MSH4: variants seen among roughly 807,000 people sequenced by gnomAD.
MSH4 encodes the protein mutS protein homolog 4.
MSH4 carries 106 observed loss-of-function variants against 113.7 expected under a neutral mutation model. That is an observed-to-expected ratio of 0.93 (90% CI 0.80 to 1.10). The LOEUF is 1.10. Ranked by LOEUF, MSH4 falls within the 50% of genes least tolerant of loss-of-function variation. The pLI is 0.00. For missense variants in MSH4, 1,061 were observed against 1,093.7 expected, an observed-to-expected ratio of 0.97 and a Z score of 0.42; for synonymous variants, 368 against 380.2, an observed-to-expected ratio of 0.97 and a Z score of 0.37.
In MSH4 at chr1:75,803,772, G is replaced by C. The variant is rs1448502260; in HGVS notation, c.286G>C (p.Val96Leu). ...CAAAAGAGCTTATGCAGAAAACACAGTTGCATCAAATTTTACTTTTGGTGC... is the reference window on the plus strand; with the variant it reads ...CAAAAGAGCTTATGCAGAAAACACACTTGCATCAAATTTTACTTTTGGTGC... ...GNKRAYAENT[V>L]ASNFTFGASS... Residue 96 changes from valine (V) to leucine (L), a missense_variant, in exon 2 of 20, where the codon GTT becomes CTT. By Grantham distance (32) the Val-to-Leu change is conservative (BLOSUM62 1). Coordinates refer to ENST00000263187, the MANE Select transcript of MSH4 (RefSeq NM_002440.4). The C allele has an allele frequency of 1.3e-6, 2 of 1,599,246 alleles. No individual in the cohort carries two copies. Among genetic ancestry groups the C allele is most frequent in the Non-Finnish European group, 1.7e-6 (2 of 1,175,284 alleles).
chr1:75,911,724 A>AG (rs1308871005), intron 19 of MSH4, among the ~76,000 whole-genome samples: 9 of 152,120 alleles, frequency 5.9e-5, no homozygotes, highest in African/African-American at 1.9e-4. Context: ...CTAATTGGTA[A>AG]TTGATCTGTG....
At position 75,878,293 on chromosome 1, in the gene MSH4, C is replaced by T. The variant is rs750710754; in HGVS notation, c.1515C>T (p.Tyr505=). 7 of 1,599,346 alleles carry T rather than the reference C, an allele frequency of 4.4e-6. 1 individual carries two copies. In the South Asian group the frequency reaches 8.0e-5, roughly 18 times the overall value. ...TTCTTGACATAGCAAGAAGAACATA[C>T]ACAGAGATTGTAGATGACATAGCAG... ...NEFLDIARRT[Y]TEIVDDIAGM... is the part of the protein sequence containing the mutation. The change falls in exon 11 of 20, where the codon TAC becomes TAT. Residue 505 remains tyrosine, a synonymous_variant. Coordinates refer to ENST00000263187, the MANE Select transcript of MSH4 (RefSeq NM_002440.4).
intron 7 of MSH4, among the ~76,000 whole-genome samples, chr1:75,841,294 T>C (rs1650955195): frequency 6.6e-6 from 1 of 151,742 alleles, no homozygotes; most frequent in Non-Finnish European, 1.5e-5. Flanking sequence ...AACCTCTGGG[T>C]TCAAGTGATC....
At chr1:75,898,125 A>G in intron 18 of MSH4, 44 bp downstream of exon 18, 1 of 1,297,636 alleles carries the variant, frequency 7.7e-7, no homozygotes, top group Non-Finnish European at 1.0e-6. Context: ...AATACTATAT[A>G]TTCTCCTAAG....
Position 75,906,527 on chromosome 1 carries a change from TATATATAATATATATAATATATA to T in MSH4, c.2620-6162_2620-6140del. ...TATATAATATATAATATGTATATAT[TATATATAATATATATAATATATA>T]ATATATTATATATTATATAAATTTA... On this transcript the variant is annotated intron_variant, in intron 19 of 19. Transcript: ENST00000263187. 1.1e-4 allele frequency among the ~76,000 whole-genome samples: 4 copies of T among 36,802 alleles called. 2 individuals are homozygous for T. Among genetic ancestry groups the T allele is most frequent in the South Asian group, 1.2e-3 (2 of 1,644 alleles). The allele number at this position is 36,802 out of a possible 152,430, so 24.1% of individuals were successfully genotyped here.
At chr1:75,886,576 A>G (rs1652120943) in intron 15 of MSH4, among the ~76,000 whole-genome samples, 1 of 121,780 alleles carries the variant, frequency 8.2e-6, no homozygotes, top group African/African-American at 3.2e-5. Flanking sequence ...GCAAGTTATT[A>G]TGTATAATAT....
At chr1:75,903,370 CTGTTCAATTTTTTGATG>C (rs1340219974) in intron 19 of MSH4, among the ~76,000 whole-genome samples, 1 of 151,910 alleles carries the variant, frequency 6.6e-6, no homozygotes. Context: ...GTTCTCTGTT[CTGTTCAATTTTTTGATG>C]TGTCTGTATT....
chr1:75,800,171 C>T (rs1342898589), intron 1 of MSH4, among the ~76,000 whole-genome samples: 2 of 152,166 alleles, frequency 1.3e-5, no homozygotes, highest in African/African-American at 4.8e-5. Flanking sequence ...CAGTTTCTGG[C>T]AACCACTCTC....
intron 5 of MSH4, among the ~76,000 whole-genome samples, chr1:75,815,955 C>G (rs1346501862): frequency 6.6e-6 from 1 of 151,990 alleles, no homozygotes; most frequent in Non-Finnish European, 1.5e-5. Flanking sequence ...TTGCAGTGAG[C>G]CGAGATCACA....
At chr1:75,811,562 A>T (rs1390845032) in intron 4 of MSH4, among the ~76,000 whole-genome samples, 1 of 152,108 alleles carries the variant, frequency 6.6e-6, no homozygotes, top group Non-Finnish European at 1.5e-5. Context: ...TGTATTACAG[A>T]ATTGTTTCAG....
At position 75,846,302 on chromosome 1, in the gene MSH4, A is replaced by G. The variant is rs5745398; in HGVS notation, c.1163-1907A>G. ...ACCCTTAGTATTCTCCCCCAAACAT[A>G]CATTTTATGTGGCCAGGCTAAGAGT... is the stretch of plus-strand genomic sequence containing the variant. On this transcript the variant is annotated intron_variant, in intron 7 of 19. Transcript: ENST00000263187. Among the ~76,000 whole-genome samples the G allele has an allele frequency of 1.6e-4, 25 of 152,346 alleles. No individual in the cohort carries two copies. In the South Asian group the frequency reaches 4.8e-3, roughly 29 times the overall value.
At chr1:75,871,703 A>G (rs1046663979) in intron 9 of MSH4, among the ~76,000 whole-genome samples, 2 of 152,176 alleles carry the variant, frequency 1.3e-5, no homozygotes, top group East Asian at 1.9e-4. Context: ...TGCAACATCT[A>G]TTTTTTGATC....
At position 75,797,158 on chromosome 1, in the gene MSH4, G is replaced by GAGCTGCGGGCGACCGGAGCAGCAGC; in HGVS notation, c.177_201dup (p.Ser68CysfsTer54). 6.2e-7 allele frequency: 1 copy of GAGCTGCGGGCGACCGGAGCAGCAGC among 1,612,700 alleles called. No homozygotes were observed. Among genetic ancestry groups the GAGCTGCGGGCGACCGGAGCAGCAGC allele is most frequent in the Non-Finnish European group, 8.5e-7 (1 of 1,179,418 alleles). On this transcript the variant is annotated frameshift_variant, in exon 1 of 20. Transcript: ENST00000263187. LOFTEE classifies it high-confidence loss of function. ...GCATCCACCTGTCCTGGCACGTCAG[G>GAGCTGCGGGCGACCGGAGCAGCAGC]AGCTGCGGGCGACCGGAGCAGCAGC...
chr1:75,827,621 CA>C (rs1474589076), intron 7 of MSH4, among the ~76,000 whole-genome samples: 2 of 113,594 alleles, frequency 1.8e-5, no homozygotes, highest in African/African-American at 6.6e-5. Context: ...CACATAGGCT[CA>C]AAATAAAGGG....
intron 6 of MSH4, among the ~76,000 whole-genome samples, chr1:75,819,062 G>A (rs975141138): frequency 3.3e-5 from 5 of 151,908 alleles, no homozygotes; most frequent in East Asian, 1.9e-4. Context: ...CACCGTGCCC[G>A]GCCTGTTTTT....
At chr1:75,807,603 T>C (rs1415060377) in intron 3 of MSH4, among the ~76,000 whole-genome samples, 1 of 152,186 alleles carries the variant, frequency 6.6e-6, no homozygotes, top group East Asian at 1.9e-4. Flanking sequence ...AGTTGCATCA[T>C]GTTAGATGCA....
rs1272776571 is a variant in MSH4 at position 75,898,097 on chromosome 1, A to G, written c.2530+16A>G. The G allele has an allele frequency of 2.7e-6, 4 of 1,484,394 alleles. No homozygotes were observed. Among genetic ancestry groups the G allele is most frequent in the Middle Eastern group, 2.1e-4 (1 of 4,822 alleles). 92.0% of individuals were successfully genotyped at this position (1,484,394 alleles called of 1,614,324 possible). ...AAAAATTATGGTACTGCATATAGAA[A>G]TTATACCTATACATTCAAATACTAT... is the stretch of plus-strand genomic sequence containing the variant. On this transcript the variant is annotated intron_variant, in intron 18 of 19. Coordinates refer to ENST00000263187, the MANE Select transcript of MSH4 (RefSeq NM_002440.4).
intron 15 of MSH4, among the ~76,000 whole-genome samples, chr1:75,888,082 A>G (rs1244914444): frequency 1.3e-5 from 2 of 150,370 alleles, no homozygotes; most frequent in East Asian, 1.9e-4. Context: ...TATTATAATT[A>G]CTACTGTTAT....
chr1:75,807,118 G>T lies in MSH4; in HGVS notation c.565G>T (p.Ala189Ser). The change falls in exon 3 of 20, where the codon GCA becomes TCA. Residue 189 changes from alanine (A) to serine (S), a missense_variant. Transcript: ENST00000263187. ...CCCCCAAATTATACTATCCCAGTTT[G>T]CAGACAACACAACATATGCAAAGGT... is the stretch of plus-strand genomic sequence containing the variant. ...KNPQIILSQF[A>S]DNTTYAKVIT... is the part of the protein sequence containing the mutation. 3.2e-6 allele frequency: 5 copies of T among 1,570,416 alleles called. No homozygotes were observed. The highest frequency in any genetic ancestry group is 4.3e-6 in the Non-Finnish European group (5 of 1,167,170).
Sources: allele counts gnomAD v4.1 joint callset (sites outside exome capture counted in the v4.1 genomes callset), GRCh38; gene constraint gnomAD v4.1.1; transcripts MANE v1.5; gene names NCBI Gene and HGNC (gene_info 2026-07-23, HGNC 2026-07-21).